MATN3: variants seen among roughly 807,000 people sequenced by gnomAD.
The protein encoded by MATN3 is matrilin-3.
A neutral mutation model predicts 45.3 loss-of-function variants in MATN3; 48 were observed. The observed-to-expected ratio is 1.06, with a 90% confidence interval of 0.84 to 1.35. MATN3 has a LOEUF of 1.35. Ranked by LOEUF, MATN3 falls within the 40% of genes most tolerant of loss-of-function variation. The pLI is 0.00. For missense variants in MATN3, 599 were observed against 628.0 expected, an observed-to-expected ratio of 0.95 and a Z score of 0.49; for synonymous variants, 217 against 245.9, an observed-to-expected ratio of 0.88 and a Z score of 1.10.
rs1381733011 is a variant in MATN3, at chr2:20,006,328, A to G, written c.224-18T>C. 1.3e-6 allele frequency: 2 copies of G among 1,496,492 alleles called. No homozygotes were observed. Among genetic ancestry groups the G allele is most frequent in the Non-Finnish European group, 1.8e-6 (2 of 1,120,242 alleles). 92.7% of individuals were successfully genotyped at this position (1,496,492 alleles called of 1,614,324 possible). ...GCAAACACCTGCAAAAGACCAAGCA[A>G]TGATCAGACCACAATTAGAAATGCA... On this transcript the variant is annotated intron_variant, in intron 1 of 7. Transcript: ENST00000407540.
intron 2 of MATN3, among the ~76,000 whole-genome samples, chr2:20,003,528 A>G (rs957290924): frequency 6.6e-6 from 1 of 152,236 alleles, no homozygotes; most frequent in African/African-American, 2.4e-5. Context: ...GAGAAAGGGA[A>G]TTTGGAGTTT....
At chr2:20,001,379 C>T (rs1310251673) in intron 4 of MATN3, among the ~76,000 whole-genome samples, 1 of 152,158 alleles carries the variant, frequency 6.6e-6, no homozygotes, top group Non-Finnish European at 1.5e-5. Flanking sequence ...CTAAGTCTTT[C>T]TTTGTCTTTT....
chr2:19,993,189 A>G, intron 7 of MATN3, 23 bp from the exon 8 acceptor site: 1 of 1,570,616 alleles, frequency 6.4e-7, no homozygotes, highest in Non-Finnish European at 8.8e-7. Context: ...TAAGGCCAAC[A>G]CCATTTATTT....
intron 1 of MATN3, among the ~76,000 whole-genome samples, chr2:20,008,382 G>A (rs919914973): frequency 6.6e-6 from 1 of 152,156 alleles, no homozygotes; most frequent in African/African-American, 2.4e-5. Flanking sequence ...CTAATAAGGA[G>A]GCAGAAGTTG....
At chr2:19,998,403 A>G (rs1321479844) in intron 5 of MATN3, among the ~76,000 whole-genome samples, 1 of 152,204 alleles carries the variant, frequency 6.6e-6, no homozygotes, top group Admixed American at 6.5e-5. Flanking sequence ...AGACCATTAG[A>G]AGGGATCTGA....
Position 19,992,250 on chromosome 2 carries a change from A to G in MATN3, c.*861T>C, listed in dbSNP as rs1172217788. On this transcript the variant is annotated 3_prime_UTR_variant, in exon 8 of 8. Transcript: ENST00000407540. ...CAAAAGAATTATATGTATCAAATAT[A>G]TAAGTAAAAAAAAGTTAGACTTTCA... is the stretch of plus-strand genomic sequence containing the variant. The G allele has an allele frequency of 6.6e-6, 1 of 152,198 alleles. No homozygotes were observed. The highest frequency in any genetic ancestry group is 2.4e-5 in the African/African-American group (1 of 41,478). The allele number at this position is 152,198 out of a possible 1,614,324, so 9.4% of individuals were successfully genotyped here.
At chr2:19,997,325 T>C in intron 5 of MATN3, 66 bp from the exon 6 acceptor site, 2 of 1,491,088 alleles carry the variant, frequency 1.3e-6, no homozygotes, top group Non-Finnish European at 1.8e-6. Flanking sequence ...CACAAATGTT[T>C]GAGAGGAGAA....
intron 1 of MATN3, among the ~76,000 whole-genome samples, chr2:20,007,999 G>C (rs923131009): frequency 6.6e-6 from 1 of 152,092 alleles, no homozygotes; most frequent in Non-Finnish European, 1.5e-5. Flanking sequence ...GTCTCATTCT[G>C]TCACCCAGGC....
Position 20,001,986 on chromosome 2 carries a change from A to AT in MATN3, c.1010dup (p.Tyr337Ter), listed in dbSNP as rs778238346. The change falls in exon 4 of 8, where the codon TAT becomes TAAT. Residue 337 changes from tyrosine to a stop codon, truncating the protein, a stop_gained and frameshift_variant. Coordinates refer to ENST00000407540, the MANE Select transcript of MATN3 (RefSeq NM_002381.5). LOFTEE classifies it high-confidence loss of function. ...GSYHCECYEG[Y>*]TLNEDRKTCS... ...AAGTTTTCCTGTCTTCATTCAAGGT[A>AT]TAACCTTCATAGCACTCACAATGAT... The AT allele has an allele frequency of 6.2e-7, 1 of 1,613,598 alleles. No homozygotes were observed. The highest frequency in any genetic ancestry group is 1.3e-5 in the African/African-American group (1 of 75,042).
At chr2:20,007,292 GC>G (rs1553327875) in intron 1 of MATN3, among the ~76,000 whole-genome samples, 29 of 152,158 alleles carry the variant, frequency 1.9e-4, no homozygotes, top group Non-Finnish European at 1.5e-5. Context: ...ACTGTGGGAG[GC>G]CGAGGCGGGA....
At chr2:19,997,035 G>C in intron 6 of MATN3, 99 bp downstream of exon 6, 1 of 1,306,968 alleles carries the variant, frequency 7.7e-7, no homozygotes, top group Non-Finnish European at 1.1e-6. Context: ...ATTCTGACAG[G>C]GAGAAAGAAT....
intron 4 of MATN3, among the ~76,000 whole-genome samples, 179 bp from the exon 5 acceptor site, chr2:20,000,745 A>G (rs574054587): frequency 6.6e-6 from 1 of 152,360 alleles, no homozygotes; most frequent in South Asian, 2.1e-4. Context: ...AATCCTGCAC[A>G]TACAATAATT....
Position 20,006,090 on chromosome 2 carries a change from C to G in MATN3, c.444G>C (p.Gln148His), listed in dbSNP as rs754218547. 1 of 1,614,038 alleles carries G rather than the reference C, an allele frequency of 6.2e-7. No homozygotes were observed. Among genetic ancestry groups the G allele is most frequent in the African/African-American group, 1.3e-5 (1 of 75,060 alleles). ...ACAAGGGTGTGATTCGACCCACGGCCTGCTTCAGGGACTGCTTATCTGTGT... is the reference window on the plus strand; with the variant it reads ...ACAAGGGTGTGATTCGACCCACGGCGTGCTTCAGGGACTGCTTATCTGTGT... ...QAYTDKQSLKQAVGRITPLST... is the reference protein window; with the variant it reads ...QAYTDKQSLKHAVGRITPLST... The change falls in exon 2 of 8, where the codon CAG (glutamine) becomes CAC (histidine). Residue 148 changes from glutamine to histidine, a missense_variant. Gln to His is a conservative substitution (Grantham distance 24). Transcript: ENST00000407540.
rs34379235 is a variant in MATN3 at position 20,006,170 on chromosome 2, C to T, written c.364G>A (p.Val122Met). 9 of 1,613,858 alleles carry T rather than the reference C, an allele frequency of 5.6e-6. No homozygotes were observed. The highest frequency in any genetic ancestry group is 4.0e-5 in the African/African-American group (3 of 74,922). Residue 122 changes from valine to methionine, a missense_variant, in exon 2 of 8, where the codon GTG (valine) becomes ATG (methionine). Physicochemically the swap from Val to Met is conservative, Grantham distance 21. Coordinates refer to ENST00000407540, the MANE Select transcript of MATN3 (RefSeq NM_002381.5). Reference sequence around the variant, plus strand: ...GTGCTAGCATAGTTCACCACTGCCACCCGCGTGTCGGCTGGCCCAATGTCC... The same window carrying T: ...GTGCTAGCATAGTTCACCACTGCCATCCGCGTGTCGGCTGGCCCAATGTCC... Reference protein sequence around the residue: ...TLDIGPADTRVAVVNYASTVK... With the variant: ...TLDIGPADTRMAVVNYASTVK...
At chr2:19,998,786 A>ATG (rs1380644802) in intron 5 of MATN3, among the ~76,000 whole-genome samples, 1 of 151,760 alleles carries the variant, frequency 6.6e-6, no homozygotes, top group African/African-American at 2.4e-5. Context: ...ATATATATAT[A>ATG]TATAACTAAC....
intron 3 of MATN3, 79 bp from the exon 4 acceptor site, chr2:20,002,159 T>TACACACACACACACACAC (rs534707164): frequency 1.4e-6 from 1 of 723,154 alleles, no homozygotes; most frequent in South Asian, 1.8e-5. Context: ...CACTTACAGT[T>TACACACACACACACACAC]ATACACACAC....
rs1673235539 is a variant in MATN3 at position 20,012,414 on chromosome 2, C to G, written c.218G>C (p.Gly73Ala). The G allele has an allele frequency of 2.4e-6, 3 of 1,229,288 alleles. No individual in the cohort carries two copies. The highest frequency in any genetic ancestry group is 3.0e-6 in the Non-Finnish European group (3 of 986,466). The allele number at this position is 1,229,288 out of a possible 1,614,324, so 76.1% of individuals were successfully genotyped here. A position where few individuals can be genotyped will look rare whatever the true frequency, so the allele number is the denominator to read the frequency against. The change falls in exon 1 of 8, where the codon GGT becomes GCT. Residue 73 changes from glycine (G) to alanine (A), a missense_variant. Physicochemically the swap from Gly to Ala is moderately conservative, Grantham distance 60. Coordinates refer to ENST00000407540, the MANE Select transcript of MATN3 (RefSeq NM_002381.5). The surrounding 1 kb of genome is among the most constrained non-coding windows in gnomAD (Gnocchi z 4.3). ...CTCCCGCCGCCCGCCTGTACCTGCACCGCGGGCGCGGCCAGGCTCGCTGGT... is the reference window on the plus strand; with the variant it reads ...CTCCCGCCGCCCGCCTGTACCTGCAGCGCGGGCGCGGCCAGGCTCGCTGGT... ...SGTSEPGRAR[G>A]AGVCKSRPLD...
chr2:20,002,322 A>G (rs920393780), intron 3 of MATN3, among the ~76,000 whole-genome samples: 1 of 152,234 alleles, frequency 6.6e-6, no homozygotes, highest in African/African-American at 2.4e-5. Flanking sequence ...CATTATCTAT[A>G]AAATTAAGTT....
Position 19,996,000 on chromosome 2 carries a change from T to G in MATN3, c.1294+1134A>C, listed in dbSNP as rs547551268. Among the ~76,000 whole-genome samples the G allele has an allele frequency of 1.3e-5, 2 of 152,348 alleles. No homozygotes were observed. Among genetic ancestry groups the G allele is most frequent in the East Asian group, 3.9e-4 (2 of 5,192 alleles). ...AGATCAACTACATGTCCATTATCCC[T>G]GTACCCATAAGATGGGTATATATAA... On this transcript the variant is annotated intron_variant, in intron 6 of 7. Transcript: ENST00000407540. The surrounding 1 kb of genome is among the most constrained non-coding windows in gnomAD (Gnocchi z 4.2).
Sources: allele counts gnomAD v4.1 joint callset (sites outside exome capture counted in the v4.1 genomes callset), GRCh38; gene constraint gnomAD v4.1.1; non-coding constraint Gnocchi (gnomAD v3.1); transcripts MANE v1.5; gene names NCBI Gene and HGNC (gene_info 2026-07-23, HGNC 2026-07-21).